MYPN: variants seen among roughly 807,000 people sequenced by gnomAD.
MYPN encodes myopalladin.
MYPN carries 63 observed loss-of-function variants against 129.4 expected under a neutral mutation model. The ratio of observed to expected loss-of-function variants is 0.49; its 90% CI spans 0.40 to 0.60. MYPN has a LOEUF of 0.60. Ranked by LOEUF, MYPN falls within the 20% of genes least tolerant of loss-of-function variation. The probability of loss-of-function intolerance (pLI) is 0.00; values close to 1 mark genes in which losing one functional copy is unlikely to be tolerated. For missense variants in MYPN, 1,596 were observed against 1,635.4 expected (o/e 0.98, Z 0.42); for synonymous variants, 629 against 600.9 (o/e 1.05, Z -0.68).
intron 14 of MYPN, 139 bp downstream of exon 14, chr10:68,194,651 T>C (rs978804073): frequency 1.3e-5 from 13 of 1,005,218 alleles, no homozygotes; most frequent in Non-Finnish European, 2.0e-5. Context: ...TTTGTGTAAC[T>C]AGGGCACAGC....
intron 3 of MYPN, among the ~76,000 whole-genome samples, chr10:68,145,005 T>C (rs768892565): frequency 4.9e-4 from 75 of 152,028 alleles, no homozygotes; most frequent in Non-Finnish European, 4.9e-4. Context: ...GGTGTTAGTG[T>C]AGTGAATCAA....
chr10:68,142,616 A>G (rs907589172), intron 2 of MYPN, among the ~76,000 whole-genome samples: 1 of 152,254 alleles, frequency 6.6e-6, no homozygotes, highest in Non-Finnish European at 1.5e-5. Flanking sequence ...TATGATAGGA[A>G]TCAGAAAGTC....
chr10:68,182,493 CACACAT>C (rs1253409894), intron 12 of MYPN, among the ~76,000 whole-genome samples: 3 of 142,700 alleles, frequency 2.1e-5, no homozygotes, highest in Non-Finnish European at 4.5e-5. Flanking sequence ...CACACACACA[CACACAT>C]ATATATATAT....
At position 68,195,533 on chromosome 10, in the gene MYPN, G is replaced by A. The variant is rs778885362; in HGVS notation, c.3158+1G>A. 1 of 1,613,354 alleles carries A rather than the reference G, an allele frequency of 6.2e-7. No homozygotes were observed. Among genetic ancestry groups the A allele is most frequent in the Non-Finnish European group, 8.5e-7 (1 of 1,179,360 alleles). ...TAACCTCTGCTGGTCAGTCTCACAG[G>A]TAAAGACAGTAAGAATTCCCCCTCT... On this transcript the variant is annotated splice_donor_variant, in intron 15 of 19. Transcript: ENST00000358913. LOFTEE classifies it high-confidence loss of function.
chr10:68,192,122 G>A (rs557349331), intron 13 of MYPN, among the ~76,000 whole-genome samples: 5 of 152,256 alleles, frequency 3.3e-5, no homozygotes, highest in Non-Finnish European at 7.4e-5. Flanking sequence ...TGTTCAGTAC[G>A]ATATTAGCTG....
intron 6 of MYPN, among the ~76,000 whole-genome samples, chr10:68,152,556 G>A (rs1478408450): frequency 7.9e-5 from 12 of 152,112 alleles, no homozygotes; most frequent in African/African-American, 2.9e-4. Context: ...AACTAGATAG[G>A]AGTCCATAGA....
intron 11 of MYPN, among the ~76,000 whole-genome samples, 182 bp from the exon 12 acceptor site, chr10:68,175,141 A>ATT (rs1226391502): frequency 5.4e-5 from 8 of 147,050 alleles, no homozygotes; most frequent in African/African-American, 2.0e-4. Context: ...CAAAAAAAAA[A>ATT]TTTTTTAAAT....
At chr10:68,136,672 C>A in intron 2 of MYPN, 1 of 1,535,160 alleles carries the variant, frequency 6.5e-7, no homozygotes, top group Middle Eastern at 1.7e-4. Flanking sequence ...GCATTTGAAT[C>A]ATTCCACTTA....
At chr10:68,092,127 A>T (rs571918136) in intron 1 of MYPN, among the ~76,000 whole-genome samples, 12 of 152,196 alleles carry the variant, frequency 7.9e-5, no homozygotes, top group Non-Finnish European at 1.6e-4. Context: ...TAAAAAATAA[A>T]GTGCAGTCAT....
At chr10:68,189,215 G>T (rs2043471923) in intron 13 of MYPN, 89 bp downstream of exon 13, 1 of 922,522 alleles carries the variant, frequency 1.1e-6, no homozygotes, top group Admixed American at 1.9e-5. Flanking sequence ...TATACGCAAT[G>T]TTTTTTCTTC....
At position 68,096,150 on chromosome 10, in the gene MYPN, G is replaced by T. The variant is rs569196051; in HGVS notation, c.-2+8158G>T. ...TCCTAAATCATGTCATCCTATTTATGGGGACAAGATTCACCAAAACCTGAA... is the reference window on the plus strand; with the variant it reads ...TCCTAAATCATGTCATCCTATTTATTGGGACAAGATTCACCAAAACCTGAA... On this transcript the variant is annotated intron_variant, in intron 1 of 6. Coordinates refer to the MYPN transcript ENST00000685154. Among the ~76,000 whole-genome samples the T allele has an allele frequency of 2.6e-5, 4 of 152,248 alleles. No individual in the cohort carries two copies. The South Asian group carries it at 8.3e-4, about 32-fold the overall frequency.
chr10:68,148,768 G>C (rs1272658296), intron 5 of MYPN, among the ~76,000 whole-genome samples: 2 of 152,182 alleles, frequency 1.3e-5, no homozygotes, highest in Admixed American at 6.5e-5. Flanking sequence ...GACTGGCCTA[G>C]AACAAACACT....
chr10:68,157,865 A>AAAAG (rs2134133731), intron 6 of MYPN, among the ~76,000 whole-genome samples: 1 of 151,046 alleles, frequency 6.6e-6, no homozygotes, highest in Admixed American at 6.6e-5. Context: ...CAAACAAAAA[A>AAAAG]AAACACCCCC....
intron 1 of MYPN, among the ~76,000 whole-genome samples, chr10:68,088,268 T>C (rs2041915930): frequency 6.6e-6 from 1 of 152,108 alleles, no homozygotes; most frequent in Admixed American, 6.6e-5. Context: ...TAGAAAAATC[T>C]TTAAAGCCAT....
In MYPN at chr10:68,135,242, C is replaced by T. The variant is rs947690785; in HGVS notation, c.903-7698C>T. Reference sequence around the variant, plus strand: ...TGCTGGGATCACAGGCGTGAGCCACCGTGCCCAACCAGAACTCAATAAATT... The same window carrying T: ...TGCTGGGATCACAGGCGTGAGCCACTGTGCCCAACCAGAACTCAATAAATT... On this transcript the variant is annotated intron_variant, in intron 2 of 19. Transcript: ENST00000358913. Among the ~76,000 whole-genome samples the T allele has an allele frequency of 5.3e-5, 8 of 152,120 alleles. No individual in the cohort carries two copies. In the East Asian group the frequency reaches 9.6e-4, roughly 18 times the overall value.
In MYPN at chr10:68,166,299, G is replaced by A; in HGVS notation, c.1606G>A (p.Glu536Lys). ...TCCTGTGATTGTCCTTTCAGGAAAT[G>A]AGGACCTCAGCAACAACGGGTCTCT... ...SIAQLHVRGN[E>K]DLSNNGSLHS... Residue 536 changes from glutamate to lysine, a missense_variant, in exon 10 of 20, where the codon GAG (glutamate) becomes AAG (lysine). Physicochemically the swap from Glu to Lys is moderately conservative, Grantham distance 56. Transcript: ENST00000358913. 1 of 1,614,058 alleles carries A rather than the reference G, an allele frequency of 6.2e-7. No individual in the cohort carries two copies. Among genetic ancestry groups the A allele is most frequent in the Non-Finnish European group, 8.5e-7 (1 of 1,180,020 alleles).
intron 12 of MYPN, among the ~76,000 whole-genome samples, chr10:68,184,763 C>T (rs1192941358): frequency 2.6e-5 from 4 of 152,120 alleles, no homozygotes; most frequent in Admixed American, 2.0e-4. Flanking sequence ...GGTTGGGAGA[C>T]GAAGCCTTGG....
upstream of MYPN, among the ~76,000 whole-genome samples, chr10:68,102,035 C>G (rs915698292): frequency 8.6e-5 from 13 of 150,406 alleles, no homozygotes; most frequent in Non-Finnish European, 1.8e-4. Context: ...TCTGGGTTCT[C>G]TTGAATGATG....
intron 2 of MYPN, among the ~76,000 whole-genome samples, chr10:68,130,242 C>G (rs571851701): frequency 1.3e-5 from 2 of 152,142 alleles, no homozygotes; most frequent in East Asian, 3.9e-4. Context: ...GGCGGATCAC[C>G]TGAGGTCAGG....
Sources: gnomAD v4.1 joint callset for allele counts (sites outside exome capture counted in the v4.1 genomes callset) on GRCh38, gnomAD v4.1.1 for gene constraint, MANE v1.5 for transcripts, NCBI Gene and HGNC (gene_info 2026-07-23, HGNC 2026-07-21) for gene names.